Variants in MYO3B observed in about 807,000 individuals in gnomAD.
The protein encoded by MYO3B is myosin-IIIb.
Under a neutral mutation model 174.6 loss-of-function variants are expected in MYO3B, and 156 were observed. The observed-to-expected ratio is 0.89, with a 90% confidence interval of 0.78 to 1.02. The LOEUF is 1.02. MYO3B is among the 50% of genes least tolerant of loss of function. The pLI, the probability that MYO3B is intolerant of heterozygous loss-of-function variation, is 0.00. For synonymous variants in MYO3B, 563 were observed against 569.1 expected (o/e 0.99, Z 0.15); for missense variants, 1,632 against 1,639.4 (o/e 1.00, Z 0.08).
chr2:170,275,037 A>C (rs1390914255), intron 7 of MYO3B, among the ~76,000 whole-genome samples: 1 of 152,128 alleles, frequency 6.6e-6, no homozygotes, highest in African/African-American at 2.4e-5. Context: ...TCCAGTTCTG[A>C]GTACTGATAA....
chr2:170,404,339 A>G lies in MYO3B; in HGVS notation c.2370A>G (p.Gly790=), dbSNP rs1190870296. ...ACATGTTCCTCCAGAAACCCCTGGG[A>G]CTGCTTGCACTTTTGGATGAGGAAA... ...LLDMFLQKPL[G]LLALLDEESR... The change falls in exon 20 of 35, where the codon GGA becomes GGG. Residue 790 remains glycine (G), a synonymous_variant. Coordinates refer to ENST00000408978, the MANE Select transcript of MYO3B (RefSeq NM_138995.5). The G allele has an allele frequency of 1.2e-6, 2 of 1,613,918 alleles. No homozygotes were observed. Among genetic ancestry groups the G allele is most frequent in the Middle Eastern group, 1.6e-4 (1 of 6,062 alleles).
chr2:170,293,815 T>C (rs1424110043), intron 7 of MYO3B, among the ~76,000 whole-genome samples: 2 of 152,078 alleles, frequency 1.3e-5, no homozygotes, highest in Non-Finnish European at 2.9e-5. Flanking sequence ...CCTTTTTTTT[T>C]TATACTTCTA....
At chr2:170,395,185 T>C (rs1261050241) in intron 16 of MYO3B, among the ~76,000 whole-genome samples, 1 of 152,130 alleles carries the variant, frequency 6.6e-6, no homozygotes, top group East Asian at 1.9e-4. Context: ...AGTCTTCCAC[T>C]AATAATGATG....
At chr2:170,611,586 T>C (rs954170001) in intron 32 of MYO3B, among the ~76,000 whole-genome samples, 2 of 152,170 alleles carry the variant, frequency 1.3e-5, no homozygotes, top group African/African-American at 2.4e-5. Flanking sequence ...CCTTGAAAGT[T>C]ATATTCCTGG....
At chr2:170,214,206 T>A (rs993964010) in intron 3 of MYO3B, among the ~76,000 whole-genome samples, 173 bp from the exon 4 acceptor site, 3 of 152,262 alleles carry the variant, frequency 2.0e-5, no homozygotes, top group African/African-American at 4.8e-5. Context: ...ACGCAAAGAA[T>A]TAGATTAGAC....
rs528293716 is a variant in MYO3B at position 170,321,918 on chromosome 2, A to G, written c.750-13467A>G. 1.1e-3 allele frequency among the ~76,000 whole-genome samples: 167 copies of G among 152,122 alleles called. 1 individual carries two copies. The highest frequency in any genetic ancestry group is 3.7e-3 in the African/African-American group (155 of 41,518). ...ATTTTGAGGTCAGGAGATTGAGACCATCCTGGCCAACACGGTGAAACCCCG... is the reference window on the plus strand; with the variant it reads ...ATTTTGAGGTCAGGAGATTGAGACCGTCCTGGCCAACACGGTGAAACCCCG... On this transcript the variant is annotated intron_variant, in intron 7 of 34. Coordinates refer to ENST00000408978, the MANE Select transcript of MYO3B (RefSeq NM_138995.5).
intron 31 of MYO3B, among the ~76,000 whole-genome samples, chr2:170,543,482 A>G (rs1467570239): frequency 2.6e-5 from 4 of 152,206 alleles, no homozygotes; most frequent in Non-Finnish European, 5.9e-5. Context: ...TGTAAGATTA[A>G]AAAAACAAAA....
intron 32 of MYO3B, among the ~76,000 whole-genome samples, chr2:170,626,175 T>A (rs1373209440): frequency 2.0e-5 from 3 of 152,224 alleles, no homozygotes; most frequent in East Asian, 1.9e-4. Flanking sequence ...CCCATTATTA[T>A]TGTGTGGGAG....
At chr2:170,623,533 C>T (rs1696123014) in intron 32 of MYO3B, among the ~76,000 whole-genome samples, 1 of 152,118 alleles carries the variant, frequency 6.6e-6, no homozygotes, top group Non-Finnish European at 1.5e-5. Context: ...TGCCTGTTCA[C>T]TCTGATGGTA....
rs1021871489 is a variant in MYO3B, at chr2:170,459,033, G to A, written c.2731-4335G>A. Reference sequence around the variant, plus strand: ...CCGTCCGGAGTTGTTCATCCCTCCCGGTGGGTTTGTGGTCTTGCTGGCTTC... The same window carrying A: ...CCGTCCGGAGTTGTTCATCCCTCCCAGTGGGTTTGTGGTCTTGCTGGCTTC... On this transcript the variant is annotated intron_variant, in intron 23 of 34. Transcript: ENST00000408978. Among the ~76,000 whole-genome samples the A allele has an allele frequency of 5.3e-5, 8 of 152,152 alleles. 1 individual carries two copies. The highest frequency in any genetic ancestry group is 2.1e-4 in the South Asian group (1 of 4,818).
intron 8 of MYO3B, among the ~76,000 whole-genome samples, chr2:170,345,642 C>A (rs895210128): frequency 3.9e-5 from 6 of 151,986 alleles, no homozygotes; most frequent in African/African-American, 1.5e-4. Flanking sequence ...CATACAGAAA[C>A]CCTGGCTTCA....
intron 32 of MYO3B, 75 bp downstream of exon 32, chr2:170,544,063 G>A (rs1301467818): frequency 1.7e-6 from 2 of 1,210,098 alleles, no homozygotes; most frequent in Non-Finnish European, 1.2e-6. Context: ...TGTTGTTTGG[G>A]CAGGACTCAA....
intron 7 of MYO3B, among the ~76,000 whole-genome samples, chr2:170,274,218 G>C (rs1348926461): frequency 6.6e-6 from 1 of 152,122 alleles, no homozygotes; most frequent in East Asian, 1.9e-4. Context: ...GCTGACGTTA[G>C]ACGTAGGTGA....
intron 23 of MYO3B, among the ~76,000 whole-genome samples, chr2:170,462,284 A>T (rs116205165): frequency 0.014 from 2,108 of 152,308 alleles, 41 homozygotes; most frequent in African/African-American, 0.048. Context: ...CACTTGGGTC[A>T]TAGAGCTGCT....
At chr2:170,243,561 A>G (rs1459112751) in intron 7 of MYO3B, among the ~76,000 whole-genome samples, 1 of 152,208 alleles carries the variant, frequency 6.6e-6, no homozygotes, top group African/African-American at 2.4e-5. Context: ...GTCCTCCCTT[A>G]TAAAATGAGG....
intron 19 of MYO3B, 128 bp from the exon 20 acceptor site, chr2:170,404,119 C>T: frequency 1.1e-6 from 1 of 912,118 alleles, no homozygotes; most frequent in Non-Finnish European, 1.6e-6. Context: ...CTTTATTATA[C>T]ACATAAAACA....
chr2:170,216,224 T>A (rs182755841), intron 5 of MYO3B, among the ~76,000 whole-genome samples: 1 of 152,318 alleles, frequency 6.6e-6, no homozygotes, highest in Non-Finnish European at 1.5e-5. Flanking sequence ...GTTTCTAAGT[T>A]TTTGTCATCA....
At chr2:170,247,105 C>G (rs1258597619) in intron 7 of MYO3B, among the ~76,000 whole-genome samples, 6 of 152,234 alleles carry the variant, frequency 3.9e-5, no homozygotes, top group African/African-American at 1.4e-4. Context: ...GACTCTTCTG[C>G]AGTGCTCAGG....
intron 25 of MYO3B, among the ~76,000 whole-genome samples, chr2:170,490,479 T>G (rs1686398217): frequency 6.6e-6 from 1 of 152,204 alleles, no homozygotes. Context: ...AATAATTGTG[T>G]CATCTTCAAA....
Sources: gnomAD v4.1 joint callset for allele counts (sites outside exome capture counted in the v4.1 genomes callset) on GRCh38, gnomAD v4.1.1 for gene constraint, MANE v1.5 for transcripts, NCBI Gene and HGNC (gene_info 2026-07-23, HGNC 2026-07-21) for gene names.